The following POLQ variants were observed in gnomAD, a reference collection of about 807,000 sequenced individuals.
The protein encoded by POLQ is epididymis secretory sperm binding protein.
Under a neutral mutation model 259.2 loss-of-function variants are expected in POLQ, and 233 were observed. The ratio of observed to expected loss-of-function variants is 0.90; its 90% CI spans 0.81 to 1.00. POLQ has a LOEUF of 1.00. POLQ is among the 50% of genes least tolerant of loss of function. The pLI, the probability that POLQ is intolerant of heterozygous loss-of-function variation, is 0.00. For synonymous variants in POLQ, 1,025 were observed against 1,048.8 expected (o/e 0.98, Z 0.44); for missense variants, 2,871 against 3,051.6 (o/e 0.94, Z 1.39).
At chr3:121,510,815 G>C (rs553567976) in intron 10 of POLQ, among the ~76,000 whole-genome samples, 32 of 152,112 alleles carry the variant, frequency 2.1e-4, no homozygotes, top group Non-Finnish European at 4.3e-4. Flanking sequence ...GCCAGGCACG[G>C]TGGCTCACGC....
At position 121,487,776 on chromosome 3, in the gene POLQ, A is replaced by G. The variant is rs765081088; in HGVS notation, c.5155T>C (p.Ser1719Pro). 5.4e-5 allele frequency: 87 copies of G among 1,611,454 alleles called. 1 individual carries two copies. In the South Asian group the frequency reaches 9.1e-4, roughly 17 times the overall value. The change falls in exon 16 of 30, where the codon TCC becomes CCC. Residue 1719 changes from serine (S) to proline (P), a missense_variant. Physicochemically the swap from Ser to Pro is moderately conservative, Grantham distance 74. Around this residue, in one of 3 missense-constraint regions of POLQ, gnomAD observed 2,080 missense variants for 2,126.0 expected, o/e 0.98. Transcript: ENST00000264233. Reference sequence around the variant, plus strand: ...TTACTTTCTTTACGAGGTAAGAGGGATGAGGTTTCATCATGATTGGCATTG... The same window carrying G: ...TTACTTTCTTTACGAGGTAAGAGGGGTGAGGTTTCATCATGATTGGCATTG... ...ENNANHDETS[S>P]LLPRKESNIV...
At position 121,519,922 on chromosome 3, in the gene POLQ, T is replaced by C; in HGVS notation, c.1417A>G (p.Thr473Ala). Residue 473 changes from threonine to alanine, a missense_variant, in exon 9 of 30, where the codon ACT (threonine) becomes GCT (alanine). This residue lies in a region of POLQ where 783 missense variants were observed against 906.2 expected (regional missense o/e 0.86). Transcript: ENST00000264233. ...IFGGRPLDIL[T>A]YKQMVGRAGR... Reference sequence around the variant, plus strand: ...GCACGGCCAACCATCTGCTTATAAGTAAGAATATCTAGAGGTCGACCACCA... The same window carrying C: ...GCACGGCCAACCATCTGCTTATAAGCAAGAATATCTAGAGGTCGACCACCA... 1 of 1,610,856 alleles carries C rather than the reference T, an allele frequency of 6.2e-7. No individual in the cohort carries two copies. Among genetic ancestry groups the C allele is most frequent in the Non-Finnish European group, 8.5e-7 (1 of 1,177,234 alleles).
intron 25 of POLQ, among the ~76,000 whole-genome samples, chr3:121,457,179 A>G (rs906308801): frequency 6.6e-6 from 1 of 152,244 alleles, no homozygotes; most frequent in East Asian, 1.9e-4. Context: ...CTGGCTAGCC[A>G]TATGTAGAAA....
chr3:121,527,915 G>A (rs182003825), intron 7 of POLQ, among the ~76,000 whole-genome samples: 9 of 152,202 alleles, frequency 5.9e-5, no homozygotes, highest in African/African-American at 1.2e-4. Context: ...GGTGATAAGC[G>A]TCATATTTTA....
rs757672402 is a variant in POLQ, at chr3:121,432,885, C to T, written c.7659+33G>A. ...GCCTGACAATACAGTGTCTTGTCTT[C>T]CTATGGAATGGACACAAGCATTGCA... On this transcript the variant is annotated intron_variant, in intron 29 of 29. Transcript: ENST00000264233. 2.3e-5 allele frequency: 28 copies of T among 1,214,804 alleles called. No individual in the cohort carries two copies. The South Asian group carries it at 3.4e-4, about 15-fold the overall frequency. The allele number at this position is 1,214,804 out of a possible 1,614,324, so 75.3% of individuals were successfully genotyped here.
chr3:121,482,250 G>A (rs1249298387), intron 18 of POLQ, among the ~76,000 whole-genome samples: 8 of 152,180 alleles, frequency 5.3e-5, no homozygotes, highest in Non-Finnish European at 1.2e-4. Flanking sequence ...CGGGCGCAGT[G>A]GCTGACACCT....
chr3:121,448,353 T>C (rs976647205), intron 26 of POLQ, among the ~76,000 whole-genome samples: 6 of 151,922 alleles, frequency 3.9e-5, no homozygotes, highest in African/African-American at 9.7e-5. Context: ...TTCTGCTTGA[T>C]TCTTTTCATT....
At chr3:121,460,262 T>C in intron 24 of POLQ, 28 bp from the exon 25 acceptor site, 1 of 1,548,700 alleles carries the variant, frequency 6.5e-7, no homozygotes, top group Admixed American at 1.7e-5. Flanking sequence ...TCAGAAAAGC[T>C]AGTACAAAGT....
At chr3:121,476,768 T>C (rs1282656126) in intron 19 of POLQ, 35 bp from the exon 20 acceptor site, 3 of 1,436,952 alleles carry the variant, frequency 2.1e-6, no homozygotes, top group South Asian at 1.2e-5. Context: ...CGTTAATTCA[T>C]TGGCTAAGTG....
At chr3:121,528,203 C>T (rs528787413) in intron 7 of POLQ, among the ~76,000 whole-genome samples, 2 of 152,162 alleles carry the variant, frequency 1.3e-5, no homozygotes, top group African/African-American at 4.8e-5. Context: ...CTCACTGCAG[C>T]CTCCACCTCC....
chr3:121,521,777 G>C, intron 8 of POLQ: 1 of 248,794 alleles, frequency 4.0e-6, no homozygotes, highest in South Asian at 1.2e-4. Context: ...CACCATGTTG[G>C]CCAGGCTGGT....
chr3:121,522,087 T>A lies in POLQ; in HGVS notation c.1171A>T (p.Met391Leu), dbSNP rs761079631. ...ILEQKELLEV[M>L]DQLRRLPSGL... ...GAAGGCAAACGTCTTAACTGATCCA[T>A]CACTTCCAGGAGTTCTTTTTGTTCC... is the stretch of plus-strand genomic sequence containing the variant. Residue 391 changes from methionine to leucine, a missense_variant, in exon 8 of 30, where the codon ATG becomes TTG. Coordinates refer to ENST00000264233, the MANE Select transcript of POLQ (RefSeq NM_199420.4). 1 of 1,611,346 alleles carries A rather than the reference T, an allele frequency of 6.2e-7. No individual in the cohort carries two copies. Among genetic ancestry groups the A allele is most frequent in the South Asian group, 1.1e-5 (1 of 90,786 alleles).
At chr3:121,537,035 C>T in intron 5 of POLQ, 65 bp downstream of exon 5, 2 of 811,854 alleles carry the variant, frequency 2.5e-6, no homozygotes, top group Non-Finnish European at 4.3e-6. Flanking sequence ...CATACTTATG[C>T]ATTTTTCAGA....
At position 121,482,889 on chromosome 3, in the gene POLQ, G is replaced by A. The variant is rs529009245; in HGVS notation, c.5970+497C>T. 7.2e-5 allele frequency among the ~76,000 whole-genome samples: 11 copies of A among 152,250 alleles called. 1 individual carries two copies. In the South Asian group the frequency reaches 1.0e-3, roughly 14 times the overall value. The stretch of plus-strand genomic sequence containing the variant: ...TGTTTCTTAACTGAGTCATCATTAC[G>A]AAGAGTGCATCATACTTTGCTATTA... On this transcript the variant is annotated intron_variant, in intron 18 of 29. Transcript: ENST00000264233.
Position 121,498,607 on chromosome 3 carries a change from TCTCC to T in POLQ, c.2019_2022del (p.Trp673Ter), listed in dbSNP as rs1560100610. The T allele has an allele frequency of 6.2e-7, 1 of 1,613,878 alleles. No homozygotes were observed. Among genetic ancestry groups the T allele is most frequent in the Non-Finnish European group, 8.5e-7 (1 of 1,179,830 alleles). On this transcript the variant is annotated frameshift_variant, in exon 13 of 30. Transcript: ENST00000264233. LOFTEE classifies it high-confidence loss of function. ...ACCCTTTTCATTGAAGTTGGCAACT[TCTCC>T]CATAAACAGAAAAATCGATACCAAT... is the stretch of plus-strand genomic sequence containing the variant.
rs749433256 is a variant in POLQ, at chr3:121,522,074, CTTAA to C, written c.1180_1183del (p.Leu394AspfsTer19). On this transcript the variant is annotated frameshift_variant, in exon 8 of 30. Transcript: ENST00000264233. LOFTEE classifies it high-confidence loss of function. ...AGAGTCCAGTCCTGAAGGCAAACGTCTTAACTGATCCATCACTTCCAGGAGTTCT... is the reference window on the plus strand; with the variant it reads ...AGAGTCCAGTCCTGAAGGCAAACGTCCTGATCCATCACTTCCAGGAGTTCT... The C allele has an allele frequency of 1.2e-6, 2 of 1,610,926 alleles. No individual in the cohort carries two copies. The highest frequency in any genetic ancestry group is 4.5e-5 in the East Asian group (2 of 44,618).
At chr3:121,537,496 T>G (rs1028529627) in intron 4 of POLQ, among the ~76,000 whole-genome samples, 2 of 152,200 alleles carry the variant, frequency 1.3e-5, no homozygotes, top group African/African-American at 4.8e-5. Context: ...GCTATCTTTA[T>G]GTCCATGAGT....
chr3:121,473,068 A>T (rs1358267658), intron 21 of POLQ, among the ~76,000 whole-genome samples: 1 of 152,200 alleles, frequency 6.6e-6, no homozygotes, highest in Non-Finnish European at 1.5e-5. Flanking sequence ...CACTAAAAAT[A>T]CAAAAATTAG....
chr3:121,542,140 A>C (rs1410786695), intron 2 of POLQ, among the ~76,000 whole-genome samples: 5 of 151,676 alleles, frequency 3.3e-5, no homozygotes, highest in Admixed American at 1.3e-4. Flanking sequence ...CGTCTCAAAA[A>C]GGAAAAAAAA....
Sources: gnomAD v4.1 joint callset for allele counts (sites outside exome capture counted in the v4.1 genomes callset) on GRCh38, gnomAD v4.1.1 for gene constraint, gnomAD v4.1.1 regional missense constraint, MANE v1.5 for transcripts, NCBI Gene and HGNC (gene_info 2026-07-23, HGNC 2026-07-21) for gene names.